EVC: variants seen among roughly 807,000 people sequenced by gnomAD.
The protein encoded by EVC is EvC ciliary complex subunit 1.
EVC carries 116 observed loss-of-function variants against 118.9 expected under a neutral mutation model. The observed-to-expected ratio is 0.98, with a 90% CI of 0.84 to 1.14. EVC has a LOEUF of 1.14. EVC is among the 50% of genes most tolerant of loss of function. EVC has a pLI of 0.00. For missense variants in EVC, 1,401 were observed against 1,246.4 expected (o/e 1.12, Z -1.87); for synonymous variants, 619 against 534.7 (o/e 1.16, Z -2.18).
downstream of EVC, among the ~76,000 whole-genome samples, chr4:5,816,129 C>T (rs776215522): frequency 6.6e-6 from 1 of 152,136 alleles, no homozygotes; most frequent in Non-Finnish European, 1.5e-5. Context: ...GACAGGAGGC[C>T]TGGGGATCTG....
At chr4:5,778,238 T>G (rs1263198970) in intron 11 of EVC, among the ~76,000 whole-genome samples, 1 of 151,798 alleles carries the variant, frequency 6.6e-6, no homozygotes, top group Non-Finnish European at 1.5e-5. Flanking sequence ...CAGTCTATCA[T>G]TGTTGGACAT....
At chr4:5,723,521 A>G (rs1452610263) in intron 2 of EVC, among the ~76,000 whole-genome samples, 2 of 151,680 alleles carry the variant, frequency 1.3e-5, no homozygotes, top group Non-Finnish European at 2.9e-5. Flanking sequence ...TTTGTTTTGT[A>G]TTCCCCCCTT....
chr4:5,741,026 C>T (rs780464907), intron 5 of EVC, among the ~76,000 whole-genome samples: 37 of 152,300 alleles, frequency 2.4e-4, no homozygotes, highest in South Asian at 4.1e-4. Flanking sequence ...TACTGGAAAA[C>T]GTTTTGGCAA....
At chr4:5,802,764 A>G (rs895792753) in intron 16 of EVC, among the ~76,000 whole-genome samples, 16 of 152,160 alleles carry the variant, frequency 1.1e-4, no homozygotes, top group Non-Finnish European at 2.1e-4. Flanking sequence ...TCGGGCGGTA[A>G]TGTGAGCGAT....
intron 3 of EVC, 41 bp downstream of exon 3, chr4:5,729,431 C>A: frequency 6.4e-7 from 1 of 1,567,212 alleles, no homozygotes; most frequent in Non-Finnish European, 8.8e-7. Flanking sequence ...CAGTTACTTC[C>A]GTCATGTGCC....
rs762671207 is a variant in EVC, at chr4:5,797,150, A to G, written c.2015A>G (p.Gln672Arg). 1.2e-6 allele frequency: 2 copies of G among 1,613,648 alleles called. No homozygotes were observed. Among genetic ancestry groups the G allele is most frequent in the Non-Finnish European group, 1.7e-6 (2 of 1,180,016 alleles). ...MRLSGKKHLL[Q>R]ELREQRALEQ... Reference sequence around the variant, plus strand: ...CTATCGGGGAAGAAGCACCTCCTGCAGGAGCTGCGGGAACAGCGTGCACTG... The same window carrying G: ...CTATCGGGGAAGAAGCACCTCCTGCGGGAGCTGCGGGAACAGCGTGCACTG... Residue 672 changes from glutamine (Q) to arginine (R), a missense_variant, in exon 14 of 21, where the codon CAG becomes CGG. Coordinates refer to ENST00000264956, the MANE Select transcript of EVC (RefSeq NM_153717.3).
rs762531567 is a variant in EVC at position 5,748,306 on chromosome 4, G to A, written c.1098G>A (p.Leu366=). 1.2e-6 allele frequency: 2 copies of A among 1,614,046 alleles called. No homozygotes were observed. Among genetic ancestry groups the A allele is most frequent in the Admixed American group, 3.3e-5 (2 of 60,004 alleles). ...GCGATTCTCAGGAGCTGCAGGCTCT[G>A]GTAATGCTGGAGGGGGCGGGAGGGA... ...LLCDSQELQA[L]DALERTMGRA... is the part of the protein sequence containing the mutation. The change falls in exon 8 of 21, where the codon CTG becomes CTA. Residue 366 remains leucine (L), a splice_region_variant and synonymous_variant. Coordinates refer to ENST00000264956, the MANE Select transcript of EVC (RefSeq NM_153717.3).
chr4:5,733,480 G>T, intron 5 of EVC, 45 bp downstream of exon 5: 1 of 1,524,320 alleles, frequency 6.6e-7, no homozygotes, highest in Non-Finnish European at 9.1e-7. Flanking sequence ...GGGGACAGGA[G>T]CTGGGAGACA....
chr4:5,820,802 C>A, the EVC span: 1 of 149,610 alleles, frequency 6.7e-6, no homozygotes. Flanking sequence ...AGTTCATTTT[C>A]TTTATTTTTT....
intron 11 of EVC, among the ~76,000 whole-genome samples, chr4:5,767,885 GT>G (rs1733199388): frequency 6.6e-6 from 1 of 152,188 alleles, no homozygotes; most frequent in South Asian, 2.1e-4. Context: ...GCTGGGAGCT[GT>G]AGACCGGAGC....
the EVC span, chr4:5,828,422 G>C: frequency 6.4e-7 from 1 of 1,566,840 alleles, no homozygotes; most frequent in Non-Finnish European, 8.7e-7. Context: ...GTCAGATCTC[G>C]ATTCCCCAAG....
Position 5,812,119 on chromosome 4 carries a change from C to T in EVC, c.*1082C>T, listed in dbSNP as rs539290592. The T allele has an allele frequency of 6.2e-3, 911 of 146,046 alleles. 18 individuals carry two copies. Among genetic ancestry groups the T allele is most frequent in the African/African-American group, 0.024 (847 of 34,680 alleles). The allele number at this position is 146,046 out of a possible 1,614,324, so 9.0% of individuals were successfully genotyped here. ...CACAGCCAGGAGAGGCCTTTCCCAC[C>T]TGGAGAGAAACTTCCAGACCAGCCC... On this transcript the variant is annotated 3_prime_UTR_variant, in exon 21 of 21. Coordinates refer to ENST00000264956, the MANE Select transcript of EVC (RefSeq NM_153717.3).
At chr4:5,735,408 GT>G (rs1170808907) in intron 5 of EVC, among the ~76,000 whole-genome samples, 1 of 152,166 alleles carries the variant, frequency 6.6e-6, no homozygotes, top group East Asian at 1.9e-4. Context: ...CTTTGGGTAA[GT>G]TGCTTCACCT....
chr4:5,741,879 G>A, intron 6 of EVC, 65 bp downstream of exon 6: 2 of 852,240 alleles, frequency 2.3e-6, no homozygotes, highest in East Asian at 2.8e-5. Context: ...TACAACTTAT[G>A]ATGCAAAAAT....
chr4:5,815,834 C>T (rs1427525334), downstream of EVC, among the ~76,000 whole-genome samples: 1 of 152,192 alleles, frequency 6.6e-6, no homozygotes, highest in Non-Finnish European at 1.5e-5. Context: ...TGCCACCTGG[C>T]ATATAACAGG....
rs1373554616 is a variant in EVC, at chr4:5,754,598, G to A, written c.1464+665G>A. 6.6e-6 allele frequency among the ~76,000 whole-genome samples: 1 copy of A among 152,052 alleles called. No individual in the cohort carries two copies. The highest frequency in any genetic ancestry group is 1.5e-5 in the Non-Finnish European group (1 of 68,010). On this transcript the variant is annotated intron_variant, in intron 10 of 20. Coordinates refer to ENST00000264956, the MANE Select transcript of EVC (RefSeq NM_153717.3). The surrounding 1 kb of genome is among the most constrained non-coding windows in gnomAD (Gnocchi z 5.8). ...CTCTGCTTGCTTTCACTAGTAATGG[G>A]CAGTGGGGCTGGGAGAGGACCAGCT...
intron 11 of EVC, among the ~76,000 whole-genome samples, chr4:5,769,322 C>G (rs949866115): frequency 5.3e-5 from 8 of 152,114 alleles, no homozygotes; most frequent in Non-Finnish European, 8.8e-5. Flanking sequence ...AAAGACCCAC[C>G]CCAGTGACTC....
Position 5,798,615 on chromosome 4 carries a change from G to A in EVC, c.2127G>A (p.Arg709=). 1 of 1,580,646 alleles carries A rather than the reference G, an allele frequency of 6.3e-7. No individual in the cohort carries two copies. The highest frequency in any genetic ancestry group is 8.6e-7 in the Non-Finnish European group (1 of 1,164,664). ...LEARVLEEAS[R]LEEEAQQTRL... Reference sequence around the variant, plus strand: ...CGCGTGTGCTGGAGGAGGCCAGCCGGCTAGAGGAGGAAGCACAGCAGACAC... The same window carrying A: ...CGCGTGTGCTGGAGGAGGCCAGCCGACTAGAGGAGGAAGCACAGCAGACAC... Residue 709 remains arginine, a synonymous_variant, in exon 15 of 21, where the codon CGG becomes CGA. Coordinates refer to ENST00000264956, the MANE Select transcript of EVC (RefSeq NM_153717.3). The surrounding 1 kb of genome is among the most constrained non-coding windows in gnomAD (Gnocchi z 4.1).
intron 17 of EVC, among the ~76,000 whole-genome samples, chr4:5,806,785 C>G (rs774737672): frequency 6.6e-6 from 1 of 152,214 alleles, no homozygotes; most frequent in Non-Finnish European, 1.5e-5. Context: ...ACAGGCTGCA[C>G]TAATATACAT....
Sources: gnomAD v4.1 joint callset for allele counts (sites outside exome capture counted in the v4.1 genomes callset) on GRCh38, gnomAD v4.1.1 for gene constraint, Gnocchi (gnomAD v3.1) non-coding constraint, MANE v1.5 for transcripts, NCBI Gene and HGNC (gene_info 2026-07-23, HGNC 2026-07-21) for gene names.